Variants in PHACTR4 observed in about 807,000 individuals in gnomAD.
The protein encoded by PHACTR4 is phosphatase and actin regulator 4.
PHACTR4 carries 51 observed loss-of-function variants against 72.7 expected under a neutral mutation model. The ratio of observed to expected loss-of-function variants is 0.70; its 90% CI spans 0.56 to 0.89. PHACTR4 has a LOEUF of 0.89. PHACTR4 is among the 40% of genes least tolerant of loss of function. The pLI is 0.00. For missense variants in PHACTR4, 731 were observed against 861.8 expected, an observed-to-expected ratio of 0.85 and a Z score of 1.90; for synonymous variants, 255 against 302.5, an observed-to-expected ratio of 0.84 and a Z score of 1.63.
At chr1:28,450,037 G>A (rs910603191) in intron 2 of PHACTR4, among the ~76,000 whole-genome samples, 1 of 152,034 alleles carries the variant, frequency 6.6e-6, no homozygotes, top group African/African-American at 2.4e-5. Flanking sequence ...GGAGTAAGTA[G>A]TTTAAATACC....
chr1:28,370,170 G>C (rs976712095), intron 1 of PHACTR4, among the ~76,000 whole-genome samples: 1 of 151,934 alleles, frequency 6.6e-6, no homozygotes, highest in Non-Finnish European at 1.5e-5. Flanking sequence ...CTGTTCCCCC[G>C]GTCCCCAACA....
intron 12 of PHACTR4, 102 bp from the exon 13 acceptor site, chr1:28,492,913 G>A: frequency 1.0e-6 from 1 of 968,190 alleles, no homozygotes; most frequent in Non-Finnish European, 1.6e-6. Flanking sequence ...GTGAGGGGTT[G>A]CAGTGACTTA....
At chr1:28,447,391 T>G (rs1409505795) in intron 2 of PHACTR4, among the ~76,000 whole-genome samples, 1 of 151,162 alleles carries the variant, frequency 6.6e-6, no homozygotes, top group East Asian at 1.9e-4. Flanking sequence ...CCTCTTTCTT[T>G]TTTCTTTTTT....
intron 1 of PHACTR4, among the ~76,000 whole-genome samples, chr1:28,391,571 A>C (rs1016913966): frequency 2.0e-5 from 3 of 150,598 alleles, no homozygotes; most frequent in African/African-American, 7.3e-5. Context: ...TCTGTTGTAC[A>C]ACATAGTGAC....
At chr1:28,443,730 C>T (rs1657221075) in intron 2 of PHACTR4, among the ~76,000 whole-genome samples, 1 of 152,114 alleles carries the variant, frequency 6.6e-6, no homozygotes, top group Non-Finnish European at 1.5e-5. Context: ...GCTGGGATTA[C>T]AGTTGTGAGC....
chr1:28,386,917 G>A (rs894157713), intron 1 of PHACTR4, among the ~76,000 whole-genome samples: 2 of 152,174 alleles, frequency 1.3e-5, no homozygotes, highest in Non-Finnish European at 2.9e-5. Context: ...AGAAATGGTT[G>A]TTCTTTGGGA....
intron 9 of PHACTR4, among the ~76,000 whole-genome samples, chr1:28,484,554 A>ATG (rs1660505928): frequency 6.6e-6 from 1 of 151,242 alleles, no homozygotes; most frequent in Non-Finnish European, 1.5e-5. Flanking sequence ...ATATGTGTGT[A>ATG]TGTAATATAT....
At chr1:28,459,392 CTTCTTTT>C in intron 3 of PHACTR4, 134 bp downstream of exon 3, 2 of 401,638 alleles carry the variant, frequency 5.0e-6, no homozygotes, top group African/African-American at 4.7e-5. Flanking sequence ...TTCTTTCCTT[CTTCTTTT>C]TTTTTTTTTT....
Position 28,393,129 on chromosome 1 carries a change from C to T in PHACTR4, c.-38-14281C>T, listed in dbSNP as rs898421933. Among the ~76,000 whole-genome samples the T allele has an allele frequency of 6.0e-5, 9 of 149,960 alleles. 1 individual carries two copies. The highest frequency in any genetic ancestry group is 3.3e-4 in the Admixed American group (5 of 14,966). On this transcript the variant is annotated intron_variant, in intron 1 of 13. Transcript: ENST00000373839. The stretch of plus-strand genomic sequence containing the variant: ...TATTTCTGAATGTCATTTTACACAC[C>T]GTAACTATATATAATTTTTGTCAGT...
In PHACTR4 at chr1:28,488,295, A is replaced by G. The variant is rs561713713; in HGVS notation, c.1761-875A>G. 4.0e-5 allele frequency among the ~76,000 whole-genome samples: 6 copies of G among 151,642 alleles called. No individual in the cohort carries two copies. The South Asian group carries it at 1.3e-3, about 32-fold the overall frequency. On this transcript the variant is annotated intron_variant, in intron 9 of 13. Coordinates refer to ENST00000373839, the MANE Select transcript of PHACTR4 (RefSeq NM_001048183.3). ...GGCGGATCACAAGGTCAGGAGATCGAGACCATCCTGGCTAACACGGTGAAA... is the reference window on the plus strand; with the variant it reads ...GGCGGATCACAAGGTCAGGAGATCGGGACCATCCTGGCTAACACGGTGAAA...
intron 1 of PHACTR4, among the ~76,000 whole-genome samples, chr1:28,382,410 T>G (rs1373877090): frequency 1.3e-5 from 2 of 151,802 alleles, no homozygotes; most frequent in Non-Finnish European, 2.9e-5. Flanking sequence ...TTCACTCCAT[T>G]CTCCTGCCTC....
chr1:28,442,715 A>G (rs2124415467), intron 2 of PHACTR4, among the ~76,000 whole-genome samples: 1 of 152,178 alleles, frequency 6.6e-6, no homozygotes, highest in East Asian at 2.0e-4. Flanking sequence ...CATGTTGGCC[A>G]GGTTGCTTTC....
chr1:28,433,016 T>C, intron 2 of PHACTR4: 2 of 967,070 alleles, frequency 2.1e-6, no homozygotes, highest in Non-Finnish European at 2.5e-6. Flanking sequence ...GTGCTGGGAT[T>C]AGAGGCGTGA....
chr1:28,395,638 C>CTT (rs67388349), intron 1 of PHACTR4, among the ~76,000 whole-genome samples: 27 of 112,450 alleles, frequency 2.4e-4, no homozygotes, highest in East Asian at 6.5e-4. Flanking sequence ...TTAAGCATAA[C>CTT]TTTTTTTTTT....
chr1:28,434,338 T>G (rs1656489428), intron 2 of PHACTR4, among the ~76,000 whole-genome samples: 1 of 143,718 alleles, frequency 7.0e-6, no homozygotes, highest in Non-Finnish European at 1.5e-5. Context: ...TTTTTTTTTT[T>G]GAGATGGAGT....
At chr1:28,394,597 T>TC (rs1653336103) in intron 1 of PHACTR4, among the ~76,000 whole-genome samples, 1 of 139,732 alleles carries the variant, frequency 7.2e-6, no homozygotes, top group Non-Finnish European at 1.6e-5. Flanking sequence ...GGCCATCTTT[T>TC]CTTTTTTTTT....
intron 9 of PHACTR4, among the ~76,000 whole-genome samples, chr1:28,486,029 G>A (rs1409945187): frequency 1.3e-5 from 2 of 151,586 alleles, no homozygotes; most frequent in African/African-American, 2.4e-5. Flanking sequence ...AGACCACCAC[G>A]AGTACACTAG....
intron 2 of PHACTR4, among the ~76,000 whole-genome samples, chr1:28,425,013 G>A (rs1357709234): frequency 2.0e-5 from 3 of 150,780 alleles, no homozygotes; most frequent in African/African-American, 7.3e-5. Context: ...GGCTGGTCTC[G>A]AACTCCTGAC....
At chr1:28,447,733 A>G (rs970087463) in intron 2 of PHACTR4, among the ~76,000 whole-genome samples, 1 of 152,130 alleles carries the variant, frequency 6.6e-6, no homozygotes, top group African/African-American at 2.4e-5. Flanking sequence ...TTCTTGATAC[A>G]ATCATAGGCA....
Sources: allele counts gnomAD v4.1 joint callset (sites outside exome capture counted in the v4.1 genomes callset), GRCh38; gene constraint gnomAD v4.1.1; transcripts MANE v1.5; gene names NCBI Gene and HGNC (gene_info 2026-07-23, HGNC 2026-07-21).